ASAP1: variants seen among roughly 807,000 people sequenced by gnomAD.
ASAP1 encodes the protein arf-GAP with SH3 domain, ANK repeat and PH domain-containing protein 1.
Under a neutral mutation model 145.2 loss-of-function variants are expected in ASAP1, and 43 were observed. The ratio of observed to expected loss-of-function variants is 0.30; its 90% CI spans 0.23 to 0.38. The LOEUF (loss-of-function observed/expected upper bound fraction) is 0.38, where lower values mean the gene tolerates loss of function less well. Ranked by LOEUF, ASAP1 falls within the 10% of genes least tolerant of loss-of-function variation. The probability of loss-of-function intolerance (pLI) is 1.00; values close to 1 mark genes in which losing one functional copy is unlikely to be tolerated. For synonymous variants in ASAP1, 546 were observed against 515.5 expected (o/e 1.06, Z -0.80); for missense variants, 1,018 against 1,355.3 (o/e 0.75, Z 3.91).
intron 11 of ASAP1, among the ~76,000 whole-genome samples, chr8:130,166,819 C>T (rs897715859): frequency 3.3e-5 from 5 of 152,232 alleles, no homozygotes; most frequent in Admixed American, 6.5e-5. Flanking sequence ...AGGACCAACT[C>T]ACCTCAAATT....
chr8:130,099,608 T>G (rs1317501543), intron 24 of ASAP1, among the ~76,000 whole-genome samples: 2 of 151,926 alleles, frequency 1.3e-5, no homozygotes, highest in Non-Finnish European at 2.9e-5. Flanking sequence ...TATCTTTCTG[T>G]GCCTGGCTTA....
chr8:130,431,551 C>T (rs1464520393), intron 1 of ASAP1, among the ~76,000 whole-genome samples: 1 of 152,148 alleles, frequency 6.6e-6, no homozygotes, highest in Non-Finnish European at 1.5e-5. Context: ...CTGGCTGGTT[C>T]CTATTCGTTA....
At chr8:130,303,680 T>C (rs987573900) in intron 3 of ASAP1, among the ~76,000 whole-genome samples, 2 of 152,114 alleles carry the variant, frequency 1.3e-5, no homozygotes, top group African/African-American at 4.8e-5. Flanking sequence ...GGCTACATAC[T>C]TTACTTTATG....
At chr8:130,426,359 A>G (rs1286264097) in intron 1 of ASAP1, among the ~76,000 whole-genome samples, 2 of 152,010 alleles carry the variant, frequency 1.3e-5, no homozygotes, top group Admixed American at 1.3e-4. Context: ...TAAATTATCC[A>G]GTCTCAAGTA....
At chr8:130,159,762 C>T (rs1317838668) in intron 12 of ASAP1, 102 bp downstream of exon 12, 30 of 879,460 alleles carry the variant, frequency 3.4e-5, no homozygotes, top group Non-Finnish European at 4.9e-5. Flanking sequence ...AGGTCTGCAG[C>T]TAGTGTATTA....
chr8:130,313,267 T>G (rs573064247), intron 3 of ASAP1, among the ~76,000 whole-genome samples: 2 of 151,798 alleles, frequency 1.3e-5, no homozygotes, highest in South Asian at 4.2e-4. Flanking sequence ...AAATAAAACA[T>G]ATCCTCTGCC....
At chr8:130,113,896 C>A (rs1296158858) in intron 23 of ASAP1, among the ~76,000 whole-genome samples, 1 of 152,062 alleles carries the variant, frequency 6.6e-6, no homozygotes, top group Non-Finnish European at 1.5e-5. Flanking sequence ...ATTCTCCCAC[C>A]TCTGCCTCCC....
intron 1 of ASAP1, among the ~76,000 whole-genome samples, chr8:130,435,999 T>A: frequency 6.6e-6 from 1 of 152,174 alleles, no homozygotes; most frequent in East Asian, 1.9e-4. Context: ...GGTGGGGCTC[T>A]CCTGGGGCAT....
At chr8:130,373,588 C>G (rs1273529109) in intron 2 of ASAP1, among the ~76,000 whole-genome samples, 3 of 152,148 alleles carry the variant, frequency 2.0e-5, no homozygotes, top group African/African-American at 7.2e-5. Context: ...GTGGCTCACG[C>G]CTGTTATCCC....
intron 5 of ASAP1, among the ~76,000 whole-genome samples, chr8:130,209,096 C>G (rs947779087): frequency 6.6e-6 from 1 of 152,134 alleles, no homozygotes; most frequent in Non-Finnish European, 1.5e-5. Context: ...CATAGTAATA[C>G]TAATATTAAT....
chr8:130,381,809 G>A (rs1469871928), intron 2 of ASAP1, among the ~76,000 whole-genome samples: 2 of 152,178 alleles, frequency 1.3e-5, no homozygotes, highest in Non-Finnish European at 1.5e-5. Flanking sequence ...GAGGGCCTTT[G>A]CACGTGCTGT....
chr8:130,270,299 C>T (rs1820512260), intron 3 of ASAP1, among the ~76,000 whole-genome samples: 1 of 152,222 alleles, frequency 6.6e-6, no homozygotes, highest in South Asian at 2.1e-4. Context: ...TGGTAAAGAT[C>T]ACACTAAATT....
chr8:130,366,026 T>C (rs1201511550), intron 2 of ASAP1, among the ~76,000 whole-genome samples: 2 of 152,016 alleles, frequency 1.3e-5, no homozygotes, highest in Non-Finnish European at 2.9e-5. Context: ...ATAAGGAAAC[T>C]GATTCCCAAG....
At chr8:130,093,788 T>C (rs201814093) in intron 24 of ASAP1, among the ~76,000 whole-genome samples, 1 of 149,554 alleles carries the variant, frequency 6.7e-6, no homozygotes, top group African/African-American at 2.5e-5. Flanking sequence ...CTCTTCATAT[T>C]AAAAAAAAAA....
chr8:130,273,712 C>T (rs1820715288), intron 3 of ASAP1, among the ~76,000 whole-genome samples: 1 of 152,170 alleles, frequency 6.6e-6, no homozygotes. Context: ...AGATAGGTCA[C>T]ACTTCGAGGA....
chr8:130,335,492 T>C (rs1298008860), intron 3 of ASAP1, among the ~76,000 whole-genome samples: 2 of 152,154 alleles, frequency 1.3e-5, no homozygotes, highest in African/African-American at 2.4e-5. Context: ...TACTCAGAAA[T>C]AGCAAAATGA....
At chr8:130,235,900 C>T (rs1818185414) in intron 4 of ASAP1, among the ~76,000 whole-genome samples, 1 of 152,092 alleles carries the variant, frequency 6.6e-6, no homozygotes, top group Non-Finnish European at 1.5e-5. Context: ...TTAAGAGGAA[C>T]ATGCATTTAC....
At chr8:130,222,478 G>A (rs569801857) in intron 4 of ASAP1, among the ~76,000 whole-genome samples, 2 of 152,304 alleles carry the variant, frequency 1.3e-5, no homozygotes, top group Admixed American at 6.5e-5. Flanking sequence ...ACTCAGTGGT[G>A]AAGAAAGGAT....
intron 2 of ASAP1, among the ~76,000 whole-genome samples, chr8:130,400,790 C>CT (rs1554904984): frequency 3.0e-4 from 31 of 103,056 alleles, no homozygotes; most frequent in Non-Finnish European, 5.7e-4. Flanking sequence ...GACTCCGTCT[C>CT]AAAAAAAAAA....
Sources: gnomAD v4.1 joint callset for allele counts (sites outside exome capture counted in the v4.1 genomes callset) on GRCh38, gnomAD v4.1.1 for gene constraint, MANE v1.5 for transcripts, NCBI Gene and HGNC (gene_info 2026-07-23, HGNC 2026-07-21) for gene names.